Variants in TENM2 observed in about 807,000 individuals in gnomAD.
The protein encoded by TENM2 is teneurin-2.
Under a neutral mutation model 245.2 loss-of-function variants are expected in TENM2, and 52 were observed. The ratio of observed to expected loss-of-function variants is 0.21; its 90% confidence interval spans 0.17 to 0.27. TENM2 has a LOEUF of 0.27. Among genes scored for constraint, TENM2 ranks in the 10% least tolerant of loss-of-function variants. The pLI, the probability that TENM2 is intolerant of heterozygous loss-of-function variation, is 1.00. For synonymous variants in TENM2, 1,363 were observed against 1,438.9 expected (o/e 0.95, Z 1.19); for missense variants, 3,046 against 3,666.8 (o/e 0.83, Z 4.37).
chr5:167,340,738 A>G (rs995159425), intron 1 of TENM2, among the ~76,000 whole-genome samples: 1 of 152,238 alleles, frequency 6.6e-6, no homozygotes, highest in Non-Finnish European at 1.5e-5. Context: ...CACTATTGAA[A>G]TTATTTGGTG....
Position 168,143,843 on chromosome 5 carries a change from C to CTTTTT in TENM2, c.2422+16896_2422+16900dup, listed in dbSNP as rs70976464. 7.6e-3 allele frequency among the ~76,000 whole-genome samples: 773 copies of CTTTTT among 102,378 alleles called. 2 individuals are homozygous for CTTTTT. The highest frequency in any genetic ancestry group is 9.7e-3 in the African/African-American group (255 of 26,176). The allele number at this position is 102,378 out of a possible 152,430, so 67.2% of individuals were successfully genotyped here. A position where few individuals can be genotyped will look rare whatever the true frequency, so the allele number is the denominator to read the frequency against. ...AACTAGAAATTTGTCTACTACACTT[C>CTTTTT]TTTTTTTTTTTTTTTTTTTTTTTGA... is the stretch of plus-strand genomic sequence containing the variant. On this transcript the variant is annotated intron_variant, in intron 12 of 28. Transcript: ENST00000518659.
chr5:167,277,405 T>G, the TENM2 span, among the ~76,000 whole-genome samples: 1 of 152,176 alleles, frequency 6.6e-6, no homozygotes, highest in Non-Finnish European at 1.5e-5. Context: ...ACTTTTCAAG[T>G]GTGTGGAGAT....
At chr5:167,252,152 G>A in the TENM2 span, among the ~76,000 whole-genome samples, 1 of 152,094 alleles carries the variant, frequency 6.6e-6, no homozygotes, top group Admixed American at 6.6e-5. Flanking sequence ...ACCCAAAAGA[G>A]AAGAGCTTAG....
At chr5:167,441,239 A>G (rs1424554584) in intron 2 of TENM2, among the ~76,000 whole-genome samples, 3 of 152,204 alleles carry the variant, frequency 2.0e-5, no homozygotes, top group Admixed American at 6.5e-5. Context: ...ACCTTTTGCC[A>G]TAATACTGAG....
intron 2 of TENM2, among the ~76,000 whole-genome samples, chr5:167,585,664 A>G (rs1239774611): frequency 6.6e-6 from 1 of 152,210 alleles, no homozygotes; most frequent in East Asian, 1.9e-4. Flanking sequence ...TTACACAAAG[A>G]CATAAACAAC....
intron 2 of TENM2, among the ~76,000 whole-genome samples, chr5:167,794,865 A>G (rs1765215226): frequency 1.3e-5 from 2 of 152,224 alleles, no homozygotes; most frequent in South Asian, 2.1e-4. Flanking sequence ...CAGGTTAGTT[A>G]CTAGTAATGT....
At chr5:167,478,979 A>G in intron 2 of TENM2, among the ~76,000 whole-genome samples, 1 of 48,220 alleles carries the variant, frequency 2.1e-5, no homozygotes, top group Non-Finnish European at 4.1e-5. Flanking sequence ...GCATATGACT[A>G]CTTTATATAT....
At chr5:167,200,415 C>G in the TENM2 span, among the ~76,000 whole-genome samples, 1 of 151,928 alleles carries the variant, frequency 6.6e-6, no homozygotes, top group African/African-American at 2.4e-5. Flanking sequence ...TGTGGTCTCT[C>G]TGTCTCTCTG....
chr5:167,879,698 G>A (rs982945065), intron 3 of TENM2, among the ~76,000 whole-genome samples: 1 of 152,014 alleles, frequency 6.6e-6, no homozygotes, highest in Non-Finnish European at 1.5e-5. Context: ...AAATAAAGGG[G>A]CTTTGAACAC....
intron 2 of TENM2, among the ~76,000 whole-genome samples, chr5:167,749,001 C>A (rs1459580310): frequency 1.3e-5 from 2 of 152,122 alleles, no homozygotes; most frequent in Non-Finnish European, 2.9e-5. Flanking sequence ...CTCCCCTCAG[C>A]CTCCCAAAGT....
intron 2 of TENM2, among the ~76,000 whole-genome samples, chr5:167,780,559 A>G (rs1764122311): frequency 6.6e-6 from 1 of 152,230 alleles, no homozygotes; most frequent in Non-Finnish European, 1.5e-5. Context: ...CCTAAGCACA[A>G]GAAAGCCATG....
chr5:167,337,792 G>T (rs976103488), intron 1 of TENM2, among the ~76,000 whole-genome samples: 1 of 152,170 alleles, frequency 6.6e-6, no homozygotes, highest in East Asian at 1.9e-4. Context: ...CTAAGTGCTG[G>T]CCTTGGAAAT....
chr5:167,914,347 A>G (rs1488005842), intron 3 of TENM2, among the ~76,000 whole-genome samples: 3 of 152,210 alleles, frequency 2.0e-5, no homozygotes, highest in Non-Finnish European at 2.9e-5. Flanking sequence ...GGACGCCTGC[A>G]TTCCTTGGCT....
the TENM2 span, among the ~76,000 whole-genome samples, chr5:167,126,914 T>C: frequency 3.3e-5 from 5 of 152,166 alleles, no homozygotes; most frequent in African/African-American, 2.4e-5. Flanking sequence ...TTTCCACTTA[T>C]ATTTTCATGC....
chr5:167,838,713 T>C (rs1769225346), intron 2 of TENM2, among the ~76,000 whole-genome samples: 1 of 152,118 alleles, frequency 6.6e-6, no homozygotes, highest in Non-Finnish European at 1.5e-5. Flanking sequence ...TCAAGCTCGG[T>C]TTTCTGAGAG....
At chr5:167,339,776 G>T (rs1757989507) in intron 1 of TENM2, among the ~76,000 whole-genome samples, 1 of 152,134 alleles carries the variant, frequency 6.6e-6, no homozygotes, top group South Asian at 2.1e-4. Context: ...CGTTATAAAA[G>T]GGCTTGATGG....
At chr5:167,829,550 G>A (rs1768286014) in intron 2 of TENM2, among the ~76,000 whole-genome samples, 1 of 152,068 alleles carries the variant, frequency 6.6e-6, no homozygotes, top group Admixed American at 6.5e-5. Context: ...AAGAAGCCCT[G>A]GTAGCATAGA....
intron 2 of TENM2, among the ~76,000 whole-genome samples, chr5:167,704,481 T>C (rs1336242699): frequency 2.0e-5 from 3 of 152,110 alleles, no homozygotes; most frequent in African/African-American, 7.2e-5. Flanking sequence ...GAAAAGTAAA[T>C]GCCTCTGATA....
the TENM2 span, among the ~76,000 whole-genome samples, chr5:167,055,197 C>G: frequency 1.3e-5 from 2 of 152,052 alleles, no homozygotes; most frequent in Admixed American, 1.3e-4. Context: ...TTTGAGATAA[C>G]TTTTGTGAAG....
Sources: allele counts gnomAD v4.1 joint callset (sites outside exome capture counted in the v4.1 genomes callset), GRCh38; gene constraint gnomAD v4.1.1; transcripts MANE v1.5; gene names NCBI Gene and HGNC (gene_info 2026-07-23, HGNC 2026-07-21).